Variants in RUNX2 observed in about 807,000 individuals in gnomAD.
RUNX2 encodes runt-related transcription factor 2.
In RUNX2, 10 loss-of-function variants were observed where a neutral mutation model predicts 51.7. The ratio of observed to expected loss-of-function variants is 0.19; its 90% CI spans 0.12 to 0.33. RUNX2 has a LOEUF of 0.33. RUNX2 is among the 10% of genes least tolerant of loss of function. The pLI, the probability that RUNX2 is intolerant of heterozygous loss-of-function variation, is 1.00. For synonymous variants in RUNX2, 276 were observed against 273.6 expected, an observed-to-expected ratio of 1.01 and a Z score of -0.09; for missense variants, 562 against 691.3, an observed-to-expected ratio of 0.81 and a Z score of 2.10.
chr6:45,437,390 C>T (rs1426393173), intron 4 of RUNX2, among the ~76,000 whole-genome samples: 1 of 152,150 alleles, frequency 6.6e-6, no homozygotes, highest in East Asian at 1.9e-4. Flanking sequence ...ATACCACAGG[C>T]ACATTACGGC....
intron 2 of RUNX2, among the ~76,000 whole-genome samples, chr6:45,386,697 T>G (rs1430496027): frequency 6.6e-6 from 1 of 152,078 alleles, no homozygotes; most frequent in East Asian, 1.9e-4. Flanking sequence ...CCTTGAAGAG[T>G]AAATGATGGT....
At chr6:45,445,215 G>A (rs564670225) in intron 5 of RUNX2, among the ~76,000 whole-genome samples, 3 of 151,942 alleles carry the variant, frequency 2.0e-5, no homozygotes, top group Non-Finnish European at 2.9e-5. Flanking sequence ...TAGTGGAGAC[G>A]GGATTTCACC....
At chr6:45,481,624 A>T (rs78330369) in intron 5 of RUNX2, among the ~76,000 whole-genome samples, 2,909 of 152,346 alleles carry the variant, frequency 0.019, 83 homozygotes, top group African/African-American at 0.066. Context: ...GTAGGAGAAC[A>T]AGTGATAAAA....
rs375345686 is a variant in RUNX2, at chr6:45,328,444, C to G, written c.-83C>G. 1.2e-5 allele frequency: 17 copies of G among 1,460,270 alleles called. No homozygotes were observed. Among genetic ancestry groups the G allele is most frequent in the Middle Eastern group, 1.9e-4 (1 of 5,330 alleles). 90.5% of individuals were successfully genotyped at this position (1,460,270 alleles called of 1,614,324 possible). ...ATCTCCGCAGGTCACTACCAGCCAC[C>G]GAGACCAACAGAGTCAGTGAGTGCT... On this transcript the variant is annotated 5_prime_UTR_variant, in exon 1 of 9. Coordinates refer to ENST00000647337, the MANE Select transcript of RUNX2 (RefSeq NM_001024630.4).
chr6:45,419,581 T>C (rs1457269456), intron 2 of RUNX2, among the ~76,000 whole-genome samples: 1 of 152,192 alleles, frequency 6.6e-6, no homozygotes, highest in Non-Finnish European at 1.5e-5. Flanking sequence ...TCTCTCTCTT[T>C]TTTGAGGCGA....
Position 45,328,425 on chromosome 6 carries a change from G to T in RUNX2, c.-102G>T, listed in dbSNP as rs780243518. ...TCTGGTTTTTAAATGGTTAATCTCC[G>T]CAGGTCACTACCAGCCACCGAGACC... On this transcript the variant is annotated 5_prime_UTR_variant, in exon 1 of 9. Transcript: ENST00000647337. 7.0e-7 allele frequency: 1 copy of T among 1,431,956 alleles called. No individual in the cohort carries two copies. Among genetic ancestry groups the T allele is most frequent in the Non-Finnish European group, 9.4e-7 (1 of 1,065,806 alleles). 88.7% of individuals were successfully genotyped at this position (1,431,956 alleles called of 1,614,324 possible).
intron 6 of RUNX2, among the ~76,000 whole-genome samples, chr6:45,508,577 CTT>C (rs1286181433): frequency 6.6e-6 from 1 of 152,082 alleles, no homozygotes; most frequent in East Asian, 1.9e-4. Context: ...CTCATAGACT[CTT>C]AGGACAGTGA....
intron 4 of RUNX2, among the ~76,000 whole-genome samples, chr6:45,435,269 A>G (rs1197174033): frequency 1.3e-5 from 2 of 152,234 alleles, no homozygotes; most frequent in African/African-American, 4.8e-5. Context: ...GGAAGCATAG[A>G]TGACTTTTAA....
In RUNX2 at chr6:45,422,977, C is replaced by A. The variant is rs1353811932; in HGVS notation, c.423+20C>A. The A allele has an allele frequency of 7.5e-6, 12 of 1,605,728 alleles. No individual in the cohort carries two copies. In the Admixed American group the frequency reaches 2.0e-4, roughly 27 times the overall value. On this transcript the variant is annotated intron_variant, in intron 3 of 8. Coordinates refer to ENST00000647337, the MANE Select transcript of RUNX2 (RefSeq NM_001024630.4). ...TTCAAGGTAAGAGGCTACACCGCCC[C>A]CCGCCCCCGGCCGGGAGCGGCGGAA...
intron 6 of RUNX2, among the ~76,000 whole-genome samples, chr6:45,503,678 A>G (rs1343588205): frequency 6.6e-6 from 1 of 152,202 alleles, no homozygotes; most frequent in Admixed American, 6.5e-5. Flanking sequence ...AGGCCAGGAC[A>G]GGTATGACAT....
chr6:45,462,061 C>T (rs1450306637), intron 5 of RUNX2, among the ~76,000 whole-genome samples: 1 of 151,916 alleles, frequency 6.6e-6, no homozygotes, highest in Non-Finnish European at 1.5e-5. Context: ...AAAAGACATT[C>T]AGATAAATAA....
At chr6:45,333,088 C>T (rs1219913075) in intron 2 of RUNX2, among the ~76,000 whole-genome samples, 1 of 151,630 alleles carries the variant, frequency 6.6e-6, no homozygotes, top group Non-Finnish European at 1.5e-5. Flanking sequence ...TGTGAAAATT[C>T]TTCATCAAAT....
chr6:45,432,105 G>A, intron 4 of RUNX2, 86 bp downstream of exon 4: 2 of 1,260,940 alleles, frequency 1.6e-6, no homozygotes, highest in Admixed American at 2.0e-5. Context: ...ATACAAATCA[G>A]CACCTTCTTT....
chr6:45,414,234 TCC>T (rs991988338), intron 2 of RUNX2, among the ~76,000 whole-genome samples: 1 of 151,976 alleles, frequency 6.6e-6, no homozygotes, highest in Non-Finnish European at 1.5e-5. Context: ...ATGAATATTC[TCC>T]CTCTTGTAAA....
rs560732187 is a variant in RUNX2, at chr6:45,437,173, A to G, written c.581-774A>G. Among the ~76,000 whole-genome samples, 5 of 152,346 alleles carry G rather than the reference A, an allele frequency of 3.3e-5. No individual in the cohort carries two copies. In the South Asian group the frequency reaches 8.3e-4, roughly 25 times the overall value. On this transcript the variant is annotated intron_variant, in intron 4 of 8. Coordinates refer to ENST00000647337, the MANE Select transcript of RUNX2 (RefSeq NM_001024630.4). ...TCTTATTCGTCGCTTTTAGCTCATT[A>G]ATTTGAAGCATCAGATGTAATATTT...
At chr6:45,411,671 A>C (rs1797954200) in intron 2 of RUNX2, among the ~76,000 whole-genome samples, 1 of 152,178 alleles carries the variant, frequency 6.6e-6, no homozygotes, top group Non-Finnish European at 1.5e-5. Flanking sequence ...CAATACCATC[A>C]GCATCAGAGA....
chr6:45,388,319 T>A (rs990742269), intron 2 of RUNX2, among the ~76,000 whole-genome samples: 2 of 152,196 alleles, frequency 1.3e-5, no homozygotes, highest in Non-Finnish European at 2.9e-5. Flanking sequence ...GTAAATCCTG[T>A]ATGAGGTGAT....
At chr6:45,492,200 ACTC>A in intron 6 of RUNX2, 86 bp downstream of exon 6, 1 of 1,306,018 alleles carries the variant, frequency 7.7e-7, no homozygotes, top group Non-Finnish European at 1.1e-6. Context: ...TCACTTCAAA[ACTC>A]CTGGAGCTGT....
intron 3 of RUNX2, among the ~76,000 whole-genome samples, chr6:45,427,051 G>A (rs1342430672): frequency 6.6e-6 from 1 of 152,096 alleles, no homozygotes; most frequent in Non-Finnish European, 1.5e-5. Context: ...TTCAAGTTGT[G>A]TGAAGACAGA....
Sources: gnomAD v4.1 joint callset for allele counts (sites outside exome capture counted in the v4.1 genomes callset) on GRCh38, gnomAD v4.1.1 for gene constraint, MANE v1.5 for transcripts, NCBI Gene and HGNC (gene_info 2026-07-23, HGNC 2026-07-21) for gene names.